Variants in NELL1 observed in about 807,000 individuals in gnomAD.
The protein encoded by NELL1 is protein kinase C-binding protein NELL1.
In NELL1, 76 loss-of-function variants were observed where a neutral mutation model predicts 107.4. That is an observed-to-expected ratio of 0.71 (90% CI 0.59 to 0.86). The LOEUF is 0.86. NELL1 is among the 40% of genes least tolerant of loss of function. NELL1 has a pLI of 0.00. For missense variants in NELL1, 1,024 were observed against 1,005.5 expected, an observed-to-expected ratio of 1.02 and a Z score of -0.25; for synonymous variants, 353 against 341.2, an observed-to-expected ratio of 1.03 and a Z score of -0.38.
chr11:21,281,311 C>A (rs537537128), intron 14 of NELL1, among the ~76,000 whole-genome samples: 2 of 152,104 alleles, frequency 1.3e-5, no homozygotes, highest in African/African-American at 4.8e-5. Context: ...TGAGGTGAGG[C>A]TCCTCTGCCT....
intron 14 of NELL1, among the ~76,000 whole-genome samples, chr11:21,319,523 G>A (rs1417378753): frequency 8.2e-6 from 1 of 121,366 alleles, no homozygotes; most frequent in Non-Finnish European, 1.8e-5. Flanking sequence ...TATATTTTTA[G>A]TAGAGACAGG....
At chr11:21,454,456 C>A (rs117050605) in intron 15 of NELL1, among the ~76,000 whole-genome samples, 3,908 of 152,214 alleles carry the variant, frequency 0.026, 77 homozygotes, top group Non-Finnish European at 0.043. Context: ...TTTATCTTTC[C>A]CCCATTCTAG....
At chr11:21,141,594 A>T (rs1046646107) in intron 13 of NELL1, among the ~76,000 whole-genome samples, 1 of 152,178 alleles carries the variant, frequency 6.6e-6, no homozygotes, top group Admixed American at 6.5e-5. Flanking sequence ...TGATGGTAGT[A>T]TATGAGCCTT....
chr11:20,763,179 CA>C (rs566693784), intron 2 of NELL1, among the ~76,000 whole-genome samples: 254 of 152,184 alleles, frequency 1.7e-3, no homozygotes, highest in Non-Finnish European at 1.9e-3. Flanking sequence ...TTTATTTACT[CA>C]GGGTTTATCT....
At chr11:21,137,063 T>C (rs1446015729) in intron 13 of NELL1, among the ~76,000 whole-genome samples, 3 of 152,142 alleles carry the variant, frequency 2.0e-5, no homozygotes, top group African/African-American at 7.2e-5. Context: ...GGAGGAGGCA[T>C]GTGGTAAAGA....
intron 10 of NELL1, among the ~76,000 whole-genome samples, chr11:20,945,130 C>T (rs919611474): frequency 1.2e-4 from 19 of 152,184 alleles, no homozygotes; most frequent in South Asian, 6.2e-4. Flanking sequence ...CTCCCAGAAG[C>T]GAACCCTGAG....
rs542317873 is a variant in NELL1 at position 20,863,592 on chromosome 11, C to T, written c.506+15839C>T. ...GCTCCTCACTTCTCAGACGGGATGG[C>T]GGCCGGGAAGAGGCGGTCCTCACCT... On this transcript the variant is annotated intron_variant, in intron 4 of 19. Coordinates refer to ENST00000357134, the MANE Select transcript of NELL1 (RefSeq NM_006157.5). Among the ~76,000 whole-genome samples, 46 of 149,130 alleles carry T rather than the reference C, an allele frequency of 3.1e-4. No individual in the cohort carries two copies. The South Asian group carries it at 9.1e-3, about 30-fold the overall frequency.
At chr11:21,013,161 G>A (rs1852485036) in intron 12 of NELL1, among the ~76,000 whole-genome samples, 1 of 152,162 alleles carries the variant, frequency 6.6e-6, no homozygotes, top group African/African-American at 2.4e-5. Context: ...GATTGAGTCA[G>A]TTAGGTCAGA....
rs78206783 is a variant in NELL1 at position 20,725,227 on chromosome 11, T to C, written c.184+47167T>C. 6.0e-3 allele frequency among the ~76,000 whole-genome samples: 917 copies of C among 152,330 alleles called. 8 individuals carry two copies. The highest frequency in any genetic ancestry group is 0.021 in the African/African-American group (861 of 41,580). On this transcript the variant is annotated intron_variant, in intron 2 of 19. Transcript: ENST00000357134. ...TAAGGGAGGAAGGGAGAAAAATTCA[T>C]CTGTTGACTCCCAACTACTATTGTT...
intron 13 of NELL1, among the ~76,000 whole-genome samples, chr11:21,131,266 G>T (rs987360815): frequency 3.3e-5 from 5 of 152,148 alleles, no homozygotes; most frequent in Non-Finnish European, 7.4e-5. Flanking sequence ...TCTGGATATA[G>T]TTGTTTGGAT....
chr11:21,535,055 A>G (rs1016757586), intron 16 of NELL1, among the ~76,000 whole-genome samples: 1 of 152,198 alleles, frequency 6.6e-6, no homozygotes, highest in Admixed American at 6.5e-5. Flanking sequence ...ATTGATGCAC[A>G]TATATGATAT....
intron 15 of NELL1, among the ~76,000 whole-genome samples, chr11:21,492,157 C>G (rs1311862203): frequency 6.6e-6 from 1 of 152,172 alleles, no homozygotes; most frequent in Non-Finnish European, 1.5e-5. Context: ...CTCACCATCA[C>G]TGGCCATCAG....
intron 14 of NELL1, chr11:21,284,211 A>G (rs952885576): frequency 4.4e-6 from 2 of 456,626 alleles, no homozygotes; most frequent in African/African-American, 4.0e-5. Flanking sequence ...CTAGATCTCT[A>G]TGCCAGTGTC....
chr11:21,430,292 T>G (rs1284697654), intron 15 of NELL1, among the ~76,000 whole-genome samples: 3 of 152,226 alleles, frequency 2.0e-5, no homozygotes, highest in African/African-American at 7.2e-5. Flanking sequence ...TTTGACATTT[T>G]GAATATGTTT....
At chr11:21,306,666 GA>G (rs1306889397) in intron 14 of NELL1, among the ~76,000 whole-genome samples, 1 of 152,016 alleles carries the variant, frequency 6.6e-6, no homozygotes, top group Non-Finnish European at 1.5e-5. Flanking sequence ...TAATAAATGA[GA>G]AAGCTCATTC....
At chr11:20,790,466 G>A (rs1857051566) in intron 3 of NELL1, among the ~76,000 whole-genome samples, 1 of 152,234 alleles carries the variant, frequency 6.6e-6, no homozygotes. Context: ...AGTAGGAGCA[G>A]GCATTTCTGA....
Position 21,262,053 on chromosome 11 carries a change from A to G in NELL1, c.1549+32599A>G, listed in dbSNP as rs180938636. Among the ~76,000 whole-genome samples the G allele has an allele frequency of 3.3e-5, 5 of 151,802 alleles. No individual in the cohort carries two copies. In the East Asian group the frequency reaches 9.7e-4, roughly 30 times the overall value. On this transcript the variant is annotated intron_variant, in intron 14 of 19. Coordinates refer to ENST00000357134, the MANE Select transcript of NELL1 (RefSeq NM_006157.5). ...ATAATCTAATCATGGAATATACTTGATTTTCTTTCTTGCATAGCTCTTCGT... is the reference window on the plus strand; with the variant it reads ...ATAATCTAATCATGGAATATACTTGGTTTTCTTTCTTGCATAGCTCTTCGT...
chr11:21,533,520 A>C (rs1428214339), intron 15 of NELL1, among the ~76,000 whole-genome samples: 1 of 152,192 alleles, frequency 6.6e-6, no homozygotes, highest in Non-Finnish European at 1.5e-5. Flanking sequence ...CCGGTTTAAA[A>C]ATTGGCAACT....
At chr11:20,746,458 A>C (rs1318868679) in intron 2 of NELL1, among the ~76,000 whole-genome samples, 2 of 152,108 alleles carry the variant, frequency 1.3e-5, no homozygotes, top group Non-Finnish European at 2.9e-5. Context: ...TGGAGATATT[A>C]ATATTGTCCT....
Sources: gnomAD v4.1 joint callset for allele counts (sites outside exome capture counted in the v4.1 genomes callset) on GRCh38, gnomAD v4.1.1 for gene constraint, MANE v1.5 for transcripts, NCBI Gene and HGNC (gene_info 2026-07-23, HGNC 2026-07-21) for gene names.